Variants in RERE observed in about 807,000 individuals in gnomAD.
RERE encodes arginine-glutamic acid dipeptide repeats protein.
Under a neutral mutation model 146.1 loss-of-function variants are expected in RERE, and 40 were observed. The observed-to-expected ratio is 0.27, with a 90% CI of 0.21 to 0.36. The LOEUF is 0.36. Ranked by LOEUF, RERE falls within the 10% of genes least tolerant of loss-of-function variation. The pLI is 1.00. For missense variants in RERE, 1,933 were observed against 2,138.7 expected (o/e 0.90, Z 1.90); for synonymous variants, 1,003 against 866.0 (o/e 1.16, Z -2.78).
At chr1:8,711,050 G>A (rs868267744) in intron 1 of RERE, among the ~76,000 whole-genome samples, 28 of 150,596 alleles carry the variant, frequency 1.9e-4, no homozygotes, top group Admixed American at 1.1e-3. Flanking sequence ...CCAGCTACTC[G>A]GGAGGCTGAG....
chr1:8,803,099 T>C (rs1014175972), intron 1 of RERE, among the ~76,000 whole-genome samples: 1 of 152,202 alleles, frequency 6.6e-6, no homozygotes, highest in African/African-American at 2.4e-5. Flanking sequence ...AATTACACAA[T>C]TGCACAGTTT....
chr1:8,695,916 C>T (rs1639319890), intron 1 of RERE, among the ~76,000 whole-genome samples: 1 of 152,110 alleles, frequency 6.6e-6, no homozygotes, highest in Non-Finnish European at 1.5e-5. Flanking sequence ...ACAAACTAAG[C>T]AAAAGGCATT....
At chr1:8,530,675 T>TTTTC (rs1234868912) in intron 7 of RERE, among the ~76,000 whole-genome samples, 1 of 123,738 alleles carries the variant, frequency 8.1e-6, no homozygotes, top group Non-Finnish European at 1.8e-5. Flanking sequence ...TGAGTTTTCG[T>TTTTC]TTTCTTTTTT....
At position 8,500,542 on chromosome 1, in the gene RERE, T is replaced by C. The variant is rs370620822; in HGVS notation, c.880-3013A>G. Among the ~76,000 whole-genome samples the C allele has an allele frequency of 1.2e-3, 179 of 151,336 alleles. No homozygotes were observed. The East Asian group carries it at 0.012, about 10-fold the overall frequency. Reference sequence around the variant, plus strand: ...TGGTGCCCAGGCTGGAGTGCAGTGGTGTGATCTCGGCTCGCTACAACCTCC... The same window carrying C: ...TGGTGCCCAGGCTGGAGTGCAGTGGCGTGATCTCGGCTCGCTACAACCTCC... On this transcript the variant is annotated intron_variant, in intron 8 of 22. Transcript: ENST00000400908.
intron 1 of RERE, among the ~76,000 whole-genome samples, chr1:8,686,765 G>A (rs1184367420): frequency 6.6e-6 from 1 of 152,052 alleles, no homozygotes; most frequent in Non-Finnish European, 1.5e-5. Flanking sequence ...AAAAAATAAA[G>A]GTGTAGTTTG....
chr1:8,500,957 G>A (rs1412647882), intron 8 of RERE, among the ~76,000 whole-genome samples: 2 of 147,608 alleles, frequency 1.4e-5, no homozygotes, highest in African/African-American at 5.0e-5. Context: ...TGAGAAGTGA[G>A]GAGCCCCTCC....
chr1:8,594,939 A>C (rs941500071), intron 4 of RERE, among the ~76,000 whole-genome samples: 1 of 152,084 alleles, frequency 6.6e-6, no homozygotes. Flanking sequence ...CAGGAGGATC[A>C]TTTGAGGCCA....
intron 7 of RERE, among the ~76,000 whole-genome samples, chr1:8,535,251 C>T (rs1414810483): frequency 2.6e-5 from 4 of 152,178 alleles, no homozygotes; most frequent in Admixed American, 2.6e-4. Flanking sequence ...AAAAACTGTT[C>T]CAGATTTAGG....
At chr1:8,522,457 G>A (rs1347981080) in intron 7 of RERE, among the ~76,000 whole-genome samples, 1 of 152,156 alleles carries the variant, frequency 6.6e-6, no homozygotes, top group Non-Finnish European at 1.5e-5. Context: ...AGAAGGAAAA[G>A]AATCAGGAAA....
At chr1:8,793,088 C>T (rs1370657246) in intron 1 of RERE, among the ~76,000 whole-genome samples, 6 of 140,090 alleles carry the variant, frequency 4.3e-5, no homozygotes, top group Non-Finnish European at 9.0e-5. Context: ...ACCCAGGAGG[C>T]AGAGGTTGCA....
At chr1:8,394,017 C>A (rs1642970491) in intron 12 of RERE, among the ~76,000 whole-genome samples, 1 of 152,156 alleles carries the variant, frequency 6.6e-6, no homozygotes, top group Non-Finnish European at 1.5e-5. Flanking sequence ...ATCCTATACA[C>A]CATAACCCAA....
chr1:8,595,747 T>C (rs1398276084), intron 4 of RERE, among the ~76,000 whole-genome samples: 3 of 152,110 alleles, frequency 2.0e-5, no homozygotes, highest in Non-Finnish European at 4.4e-5. Context: ...CAAAAAACAA[T>C]TAATGGAAGG....
At chr1:8,526,257 T>C (rs968044661) in intron 7 of RERE, among the ~76,000 whole-genome samples, 1 of 150,614 alleles carries the variant, frequency 6.6e-6, no homozygotes, top group East Asian at 1.9e-4. Flanking sequence ...GTCAGTTAAA[T>C]GCTCTCTGCT....
At chr1:8,388,293 C>T (rs1300555746) in intron 12 of RERE, among the ~76,000 whole-genome samples, 2 of 150,700 alleles carry the variant, frequency 1.3e-5, no homozygotes, top group African/African-American at 2.4e-5. Context: ...GGGATTGCAC[C>T]GGAGAGGAAA....
At chr1:8,461,232 T>C (rs529797561) in intron 11 of RERE, among the ~76,000 whole-genome samples, 2 of 152,188 alleles carry the variant, frequency 1.3e-5, no homozygotes, top group Admixed American at 1.3e-4. Flanking sequence ...TTTAATGTTT[T>C]AATCTCTATT....
intron 3 of RERE, among the ~76,000 whole-genome samples, chr1:8,618,658 C>T (rs570269113): frequency 6.6e-6 from 1 of 152,258 alleles, no homozygotes; most frequent in African/African-American, 2.4e-5. Flanking sequence ...ATGCGTAAGT[C>T]TGATAATTAA....
chr1:8,362,649 C>T (rs1641630176), intron 16 of RERE, 34 bp downstream of exon 16: 1 of 1,613,202 alleles, frequency 6.2e-7, no homozygotes, highest in African/African-American at 1.3e-5. Context: ...GAGGGAGGGA[C>T]AGAGTAGGCC....
intron 7 of RERE, among the ~76,000 whole-genome samples, chr1:8,509,919 G>A (rs1430150422): frequency 1.3e-5 from 2 of 152,198 alleles, no homozygotes; most frequent in Non-Finnish European, 1.5e-5. Context: ...AATACATTTT[G>A]GAAAGCTATC....
chr1:8,565,903 G>T (rs950111870), intron 4 of RERE, among the ~76,000 whole-genome samples: 1 of 152,132 alleles, frequency 6.6e-6, no homozygotes, highest in Admixed American at 6.5e-5. Flanking sequence ...GGACCAGTGG[G>T]TAAGGGGAAA....
Sources: gnomAD v4.1 joint callset for allele counts (sites outside exome capture counted in the v4.1 genomes callset) on GRCh38, gnomAD v4.1.1 for gene constraint, MANE v1.5 for transcripts, NCBI Gene and HGNC (gene_info 2026-07-23, HGNC 2026-07-21) for gene names.